Variants in ANKFN1 observed in about 807,000 individuals in gnomAD.
ANKFN1 encodes the protein ankyrin repeat and fibronectin type-III domain-containing protein 1.
In ANKFN1, 74 loss-of-function variants were observed where a neutral mutation model predicts 108.7. The ratio of observed to expected loss-of-function variants is 0.68; its 90% CI spans 0.56 to 0.83. ANKFN1 has a LOEUF of 0.83. Ranked by LOEUF, ANKFN1 falls within the 40% of genes least tolerant of loss-of-function variation. The pLI is 0.00. For synonymous variants in ANKFN1, 547 were observed against 516.2 expected (o/e 1.06, Z -0.81); for missense variants, 1,505 against 1,382.3 (o/e 1.09, Z -1.41).
At chr17:56,227,848 A>T in intron 2 of ANKFN1, 69 bp from the exon 3 acceptor site, 1 of 1,222,120 alleles carries the variant, frequency 8.2e-7, no homozygotes, top group Non-Finnish European at 1.2e-6. Context: ...TTCAAACGTG[A>T]CTCCTTTTTC....
intron 4 of ANKFN1, among the ~76,000 whole-genome samples, chr17:56,119,711 G>C (rs1341082866): frequency 6.6e-6 from 1 of 152,150 alleles, no homozygotes; most frequent in Non-Finnish European, 1.5e-5. Flanking sequence ...TGCACCTTTT[G>C]TGTATAGACT....
rs142525410 is a variant in ANKFN1 at position 56,287,486 on chromosome 17, T to C, written c.54-38735T>C. The stretch of plus-strand genomic sequence containing the variant: ...TGCATAGGACATTGCCTAACACACC[T>C]TTGACCCCCAAACAGCACCTAAGAA... On this transcript the variant is annotated intron_variant, in intron 3 of 20. Coordinates refer to ENST00000682825, the MANE Select transcript of ANKFN1 (RefSeq NM_001370326.1). Among the ~76,000 whole-genome samples, 406 of 152,284 alleles carry C rather than the reference T, an allele frequency of 2.7e-3. 5 individuals carry two copies. The highest frequency in any genetic ancestry group is 9.2e-3 in the African/African-American group (381 of 41,558).
intron 4 of ANKFN1, among the ~76,000 whole-genome samples, chr17:56,144,917 C>T (rs1391328373): frequency 6.6e-6 from 1 of 152,086 alleles, no homozygotes; most frequent in Non-Finnish European, 1.5e-5. Context: ...TTTCTTTTTC[C>T]TCCTTCTCTT....
At chr17:56,477,452 CTTG>C in intron 15 of ANKFN1, 33 bp from the exon 16 acceptor site, 1 of 1,481,128 alleles carries the variant, frequency 6.8e-7, no homozygotes, top group South Asian at 1.3e-5. Context: ...GAGTTGTTTT[CTTG>C]TTTTCTTTTT....
chr17:56,245,021 G>A (rs550708842), intron 3 of ANKFN1, among the ~76,000 whole-genome samples: 3 of 151,920 alleles, frequency 2.0e-5, no homozygotes, highest in Admixed American at 6.6e-5. Flanking sequence ...CTTGTCTGTA[G>A]CCCCTTGAAA....
intron 1 of ANKFN1, among the ~76,000 whole-genome samples, chr17:56,162,706 G>T (rs1413222587): frequency 6.6e-6 from 1 of 152,160 alleles, no homozygotes; most frequent in African/African-American, 2.4e-5. Flanking sequence ...ATATCAATTA[G>T]CAAACACCTA....
chr17:56,166,166 C>T (rs1323094170), intron 1 of ANKFN1, among the ~76,000 whole-genome samples: 3 of 152,120 alleles, frequency 2.0e-5, no homozygotes, highest in Admixed American at 1.3e-4. Flanking sequence ...TCCAGTTATG[C>T]TACAATGTAA....
At chr17:56,250,071 T>A (rs2043202090) in intron 3 of ANKFN1, among the ~76,000 whole-genome samples, 1 of 151,904 alleles carries the variant, frequency 6.6e-6, no homozygotes, top group African/African-American at 2.4e-5. Context: ...CCCCAGCATA[T>A]CCATAGGAAC....
At chr17:56,336,530 T>C (rs939768045) in intron 4 of ANKFN1, among the ~76,000 whole-genome samples, 5 of 152,204 alleles carry the variant, frequency 3.3e-5, no homozygotes, top group Admixed American at 6.5e-5. Context: ...TATTCTCTGA[T>C]GGTAGTTTGT....
chr17:56,143,763 A>G (rs12602730), intron 4 of ANKFN1, among the ~76,000 whole-genome samples: 52,080 of 152,014 alleles, frequency 0.34, 9,674 homozygotes, highest in East Asian at 0.53. Flanking sequence ...AGACACAAGG[A>G]GAAGGCCAAG....
At chr17:56,259,280 A>G (rs1281368442) in intron 3 of ANKFN1, among the ~76,000 whole-genome samples, 2 of 152,176 alleles carry the variant, frequency 1.3e-5, no homozygotes, top group Non-Finnish European at 2.9e-5. Context: ...TTCTATTTAC[A>G]AACTCTGTAA....
At chr17:56,054,282 T>G (rs1010973330) in intron 4 of ANKFN1, among the ~76,000 whole-genome samples, 2 of 152,210 alleles carry the variant, frequency 1.3e-5, no homozygotes, top group Non-Finnish European at 2.9e-5. Context: ...GTGCATGAAT[T>G]TTTATTTAAT....
In ANKFN1 at chr17:56,278,939, T is replaced by A. The variant is rs190255511; in HGVS notation, c.54-47282T>A. On this transcript the variant is annotated intron_variant, in intron 3 of 20. Coordinates refer to ENST00000682825, the MANE Select transcript of ANKFN1 (RefSeq NM_001370326.1). ...AGGTGAAAGATCTATTTAGTGTGGATTTTTTTTTTAAGCTTCAAAATGAAC... is the reference window on the plus strand; with the variant it reads ...AGGTGAAAGATCTATTTAGTGTGGAATTTTTTTTTAAGCTTCAAAATGAAC... Among the ~76,000 whole-genome samples the A allele has an allele frequency of 7.3e-3, 1,093 of 150,402 alleles. 14 individuals carry two copies. The highest frequency in any genetic ancestry group is 0.025 in the African/African-American group (1,040 of 40,996).
At chr17:56,359,968 C>A (rs1410504380) in intron 6 of ANKFN1, among the ~76,000 whole-genome samples, 1 of 152,080 alleles carries the variant, frequency 6.6e-6, no homozygotes, top group Non-Finnish European at 1.5e-5. Context: ...ATTTTTGTTC[C>A]AAAACAGCAT....
chr17:56,163,952 G>A (rs1328858064), intron 1 of ANKFN1, among the ~76,000 whole-genome samples: 2 of 152,184 alleles, frequency 1.3e-5, no homozygotes, highest in Non-Finnish European at 2.9e-5. Flanking sequence ...TGTGGTGTGT[G>A]TATTTTGGTG....
intron 3 of ANKFN1, among the ~76,000 whole-genome samples, chr17:56,268,515 G>A (rs1297630020): frequency 6.6e-6 from 1 of 152,048 alleles, no homozygotes; most frequent in Non-Finnish European, 1.5e-5. Flanking sequence ...ATCATACCTA[G>A]AGGAACTAGA....
intron 3 of ANKFN1, among the ~76,000 whole-genome samples, chr17:56,234,877 A>T (rs903937372): frequency 1.3e-5 from 2 of 151,932 alleles, no homozygotes; most frequent in African/African-American, 4.8e-5. Context: ...CAGTATTGGG[A>T]TTGCTGCGTT....
At chr17:56,363,277 A>G (rs1422334115) in intron 6 of ANKFN1, among the ~76,000 whole-genome samples, 2 of 152,200 alleles carry the variant, frequency 1.3e-5, no homozygotes, top group Non-Finnish European at 2.9e-5. Flanking sequence ...GTTTCTTAAA[A>G]GAAGACATAC....
At chr17:56,255,514 T>C (rs542420922) in intron 3 of ANKFN1, among the ~76,000 whole-genome samples, 1 of 152,298 alleles carries the variant, frequency 6.6e-6, no homozygotes, top group African/African-American at 2.4e-5. Flanking sequence ...AAATACTGCA[T>C]TTCCATCTTT....
Sources: allele counts gnomAD v4.1 joint callset (sites outside exome capture counted in the v4.1 genomes callset), GRCh38; gene constraint gnomAD v4.1.1; transcripts MANE v1.5; gene names NCBI Gene and HGNC (gene_info 2026-07-23, HGNC 2026-07-21).